KCNH4: variants seen among roughly 807,000 people sequenced by gnomAD.
The protein encoded by KCNH4 is voltage-gated delayed rectifier potassium channel KCNH4.
In KCNH4, 33 loss-of-function variants were observed where a neutral mutation model predicts 90.7. That is an observed-to-expected ratio of 0.36 (90% CI 0.28 to 0.49). The LOEUF (loss-of-function observed/expected upper bound fraction) is 0.49, where lower values mean the gene tolerates loss of function less well. Ranked by LOEUF, KCNH4 falls within the 20% of genes least tolerant of loss-of-function variation. The pLI is 0.98. For synonymous variants in KCNH4, 551 were observed against 581.7 expected (o/e 0.95, Z 0.76); for missense variants, 1,044 against 1,387.1 (o/e 0.75, Z 3.93).
In KCNH4 at chr17:42,176,291, A is replaced by G; in HGVS notation, c.592T>C (p.Phe198Leu). The G allele has an allele frequency of 1.2e-6, 2 of 1,610,852 alleles. No homozygotes were observed. The highest frequency in any genetic ancestry group is 8.5e-7 in the Non-Finnish European group (1 of 1,178,718). ...TCGGGCACTGATGGCTTTGGCTCAA[A>G]CACGTTCTAAGGGGAGAGGGGTGGC... The part of the protein sequence containing the change: ...QGGMKANNNV[F>L]EPKPSVPEYK... The change falls in exon 5 of 17, where the codon TTT (phenylalanine) becomes CTT (leucine). Residue 198 changes from phenylalanine to leucine, a missense_variant. Transcript: ENST00000264661.
rs547507763 is a variant in KCNH4, at chr17:42,168,245, C to T, written c.1590+1232G>A. ...TGTCATCATCTCTAAGCTCTCTGTGCCCAGCACCAAGGCTGGCCCAAAGCA... is the reference window on the plus strand; with the variant it reads ...TGTCATCATCTCTAAGCTCTCTGTGTCCAGCACCAAGGCTGGCCCAAAGCA... On this transcript the variant is annotated intron_variant, in intron 9 of 16. Coordinates refer to ENST00000264661, the MANE Select transcript of KCNH4 (RefSeq NM_012285.3). 2.0e-5 allele frequency among the ~76,000 whole-genome samples: 3 copies of T among 152,302 alleles called. No homozygotes were observed. The South Asian group carries it at 6.2e-4, about 32-fold the overall frequency.
Position 42,166,544 on chromosome 17 carries a change from T to G in KCNH4, c.1593A>C (p.Leu531Phe). The change falls in exon 10 of 17, where the codon TTA becomes TTC. Residue 531 changes from leucine to phenylalanine, a missense_variant and splice_region_variant. Around this residue, in one of 4 missense-constraint regions of KCNH4, gnomAD observed 318 missense variants for 479.6 expected, o/e 0.66. Transcript: ENST00000264661. The part of the protein sequence containing the change: ...AVNSGIDANE[L>F]LRDFPDELRA... ...TCAGCTCGTCTGGGAAGTCACGCAG[T>G]AACTGCATAAGGGGCATAGGTCATT... The G allele has an allele frequency of 6.2e-7, 1 of 1,611,748 alleles. No individual in the cohort carries two copies. The highest frequency in any genetic ancestry group is 8.5e-7 in the Non-Finnish European group (1 of 1,178,142).
At chr17:42,164,542 C>T (rs1347219245) in intron 11 of KCNH4, among the ~76,000 whole-genome samples, 1 of 152,212 alleles carries the variant, frequency 6.6e-6, no homozygotes, top group African/African-American at 2.4e-5. Context: ...GTGGCTCACG[C>T]CTGTAATCCC....
intron 7 of KCNH4, among the ~76,000 whole-genome samples, 190 bp downstream of exon 7, chr17:42,171,598 A>G (rs988660279): frequency 2.0e-5 from 3 of 151,640 alleles, no homozygotes; most frequent in East Asian, 3.9e-4. Context: ...GTTCCCCCCA[A>G]CCTGCCCCCA....
chr17:42,161,183 C>A (rs1369503707), intron 15 of KCNH4, among the ~76,000 whole-genome samples: 1 of 152,172 alleles, frequency 6.6e-6, no homozygotes, highest in Non-Finnish European at 1.5e-5. Flanking sequence ...CCACCTTAGC[C>A]TCCCAAAGTG....
rs752839564 is a variant in KCNH4, at chr17:42,166,343, G to A, written c.1794C>T (p.Ser598=). 2.2e-5 allele frequency: 36 copies of A among 1,612,264 alleles called. No homozygotes were observed. The African/African-American group carries it at 2.5e-4, about 11-fold the overall frequency. ...DALQAHYYVC[S]GSLEVLRDNM... The stretch of plus-strand genomic sequence containing the variant: ...TGTCTCGGAGCACCTCAAGCGAGCC[G>A]GAGCAGACATAGTAATGTGCCTGCA... The change falls in exon 10 of 17, where the codon TCC becomes TCT. Residue 598 remains serine (S), a synonymous_variant. Transcript: ENST00000264661.
Position 42,174,769 on chromosome 17 carries a change from C to T in KCNH4, c.987+810G>A, listed in dbSNP as rs138263146. ...TGGGGCCACAGATGACCACTCAGGG[C>T]ACCTCCAGAGTGTCCCCAGGGATCT... On this transcript the variant is annotated intron_variant, in intron 6 of 16. Transcript: ENST00000264661. Among the ~76,000 whole-genome samples, 331 of 152,228 alleles carry T rather than the reference C, an allele frequency of 2.2e-3. 1 individual carries two copies. Among genetic ancestry groups the T allele is most frequent in the Non-Finnish European group, 4.0e-3 (273 of 67,998 alleles).
intron 15 of KCNH4, among the ~76,000 whole-genome samples, chr17:42,160,931 T>C (rs1348318434): frequency 2.9e-5 from 4 of 137,800 alleles, no homozygotes; most frequent in East Asian, 4.2e-4. Context: ...TTTTTTTTTT[T>C]TTTTTTTTTT....
In KCNH4 at chr17:42,171,792, G is replaced by A; in HGVS notation, c.1191C>T (p.Asp397=). The A allele has an allele frequency of 6.2e-7, 1 of 1,614,132 alleles. No individual in the cohort carries two copies. ...AGTTTGGGGTCGGTGGCTCACCAAT[G>A]TCCCAGAGCAGCGGGTCATTGGCCT... ...EMEANDPLLW[D]IGWLHELGKR... Residue 397 remains aspartate (D), a synonymous_variant, in exon 7 of 17, where the codon GAC becomes GAT. Transcript: ENST00000264661.
intron 6 of KCNH4, among the ~76,000 whole-genome samples, chr17:42,172,536 A>AACACACACAC (rs55671197): frequency 4.2e-4 from 58 of 136,740 alleles, no homozygotes; most frequent in East Asian, 2.4e-3. Context: ...CTTATTTAAC[A>AACACACACAC]ACACACACAC....
chr17:42,181,057 T>TC lies in KCNH4; in HGVS notation c.-113dup, dbSNP rs2079898104. 7 of 881,024 alleles carry TC rather than the reference T, an allele frequency of 7.9e-6. No homozygotes were observed. The highest frequency in any genetic ancestry group is 1.2e-5 in the Non-Finnish European group (7 of 577,412). The allele number at this position is 881,024 out of a possible 1,614,324, so 54.6% of individuals were successfully genotyped here. ...GCGCCCCATGCGCCCTCCTGCCTCC[T>TC]CCCCTCCCTCTTACTGCCGCTGCCG... is the stretch of plus-strand genomic sequence containing the variant. On this transcript the variant is annotated 5_prime_UTR_variant, in exon 1 of 17. Coordinates refer to ENST00000264661, the MANE Select transcript of KCNH4 (RefSeq NM_012285.3).
At position 42,160,373 on chromosome 17, in the gene KCNH4, C is replaced by T. The variant is rs147972805; in HGVS notation, c.2721G>A (p.Leu907=). Residue 907 remains leucine (L), a synonymous_variant, in exon 16 of 17, where the codon CTG becomes CTA. Coordinates refer to ENST00000264661, the MANE Select transcript of KCNH4 (RefSeq NM_012285.3). ...CTGGGGGACCCAGCCTGGCCTGCAGCAGGCCCATGATGTGCCGCAGCTCCC... is the reference window on the plus strand; with the variant it reads ...CTGGGGGACCCAGCCTGGCCTGCAGTAGGCCCATGATGTGCCGCAGCTCCC... ...LSRELRHIMG[L]LQARLGPPGH... The T allele has an allele frequency of 6.8e-6, 11 of 1,613,754 alleles. No homozygotes were observed. The African/African-American group carries it at 1.1e-4, about 16-fold the overall frequency.
In KCNH4 at chr17:42,176,004, G is replaced by T. The variant is rs377376132; in HGVS notation, c.829+50C>A. The T allele has an allele frequency of 3.9e-5, 61 of 1,554,762 alleles. No individual in the cohort carries two copies. In the African/African-American group the frequency reaches 7.2e-4, roughly 18 times the overall value. The stretch of plus-strand genomic sequence containing the variant: ...CCAGGAGTGGGTGAGGCTTGGCCAA[G>T]TGGATCCCCCCAGCCGACCCACCAG... On this transcript the variant is annotated intron_variant, in intron 5 of 16. Transcript: ENST00000264661.
chr17:42,166,686 T>G (rs2079790631), intron 9 of KCNH4, 140 bp from the exon 10 acceptor site: 1 of 1,080,340 alleles, frequency 9.3e-7, no homozygotes, highest in Non-Finnish European at 1.3e-6. Flanking sequence ...CAGTACAACC[T>G]CTGTGTCTAA....
intron 9 of KCNH4, 40 bp from the exon 10 acceptor site, chr17:42,166,586 A>G (rs1202222028): frequency 1.3e-6 from 2 of 1,580,998 alleles, no homozygotes; most frequent in African/African-American, 1.3e-5. Flanking sequence ...ATCCCCCTGC[A>G]GCTACTACTT....
chr17:42,165,318 T>C, intron 11 of KCNH4, 131 bp downstream of exon 11: 1 of 1,140,186 alleles, frequency 8.8e-7, no homozygotes, highest in Non-Finnish European at 1.3e-6. Flanking sequence ...TAAGGGGCAA[T>C]GGAGGAGGGT....
intron 10 of KCNH4, 61 bp downstream of exon 10, chr17:42,166,236 C>G (rs913779130): frequency 4.2e-5 from 64 of 1,521,304 alleles, no homozygotes; most frequent in Non-Finnish European, 5.5e-5. Flanking sequence ...TTCCCAAGTC[C>G]TCAGTGGGGG....
At chr17:42,172,100 C>T in intron 6 of KCNH4, 105 bp from the exon 7 acceptor site, 1 of 899,672 alleles carries the variant, frequency 1.1e-6, no homozygotes, top group South Asian at 1.5e-5. Context: ...CCAGGGCAGG[C>T]TGCAACAGGA....
rs547153505 is a variant in KCNH4 at position 42,168,831 on chromosome 17, G to T, written c.1590+646C>A. On this transcript the variant is annotated intron_variant, in intron 9 of 16. Transcript: ENST00000264661. Reference sequence around the variant, plus strand: ...CTGCCGCCCAGGCTGGAGTGCAGTGGCACAATTTCGGCTCACTGCAAGCTC... The same window carrying T: ...CTGCCGCCCAGGCTGGAGTGCAGTGTCACAATTTCGGCTCACTGCAAGCTC... 6.9e-4 allele frequency among the ~76,000 whole-genome samples: 104 copies of T among 151,548 alleles called. 2 individuals are homozygous for T. The highest frequency in any genetic ancestry group is 1.6e-4 in the Non-Finnish European group (11 of 67,858).
Sources: gnomAD v4.1 joint callset for allele counts (sites outside exome capture counted in the v4.1 genomes callset) on GRCh38, gnomAD v4.1.1 for gene constraint, gnomAD v4.1.1 regional missense constraint, MANE v1.5 for transcripts, NCBI Gene and HGNC (gene_info 2026-07-23, HGNC 2026-07-21) for gene names.